LIMA1: variants seen among roughly 807,000 people sequenced by gnomAD.
The protein encoded by LIMA1 is LIM domain and actin-binding protein 1.
Under a neutral mutation model 62.6 loss-of-function variants are expected in LIMA1, and 52 were observed. The ratio of observed to expected loss-of-function variants is 0.83; its 90% CI spans 0.67 to 1.05. The LOEUF (loss-of-function observed/expected upper bound fraction) is 1.05. Ranked by LOEUF, LIMA1 falls within the 50% of genes least tolerant of loss-of-function variation. The pLI is 0.00. For missense variants in LIMA1, 780 were observed against 902.2 expected (o/e 0.86, Z 1.74); for synonymous variants, 302 against 317.8 (o/e 0.95, Z 0.53).
chr12:50,195,254 TAGTC>T (rs1043485621), intron 8 of LIMA1, among the ~76,000 whole-genome samples: 1 of 151,780 alleles, frequency 6.6e-6, no homozygotes, highest in Non-Finnish European at 1.5e-5. Context: ...AAAGTGGACA[TAGTC>T]AAGTAAAAAA....
At chr12:50,182,718 T>A (rs1250241756) in intron 9 of LIMA1, among the ~76,000 whole-genome samples, 3 of 152,166 alleles carry the variant, frequency 2.0e-5, no homozygotes, top group Non-Finnish European at 4.4e-5. Flanking sequence ...AGAGAAAAAC[T>A]AATGCAATGG....
At chr12:50,205,573 C>T (rs1941136091) in intron 5 of LIMA1, among the ~76,000 whole-genome samples, 1 of 151,932 alleles carries the variant, frequency 6.6e-6, no homozygotes, top group African/African-American at 2.4e-5. Context: ...TACAGGGTAA[C>T]CAAACCTGAT....
chr12:50,272,345 T>C (rs1942221626), intron 1 of LIMA1, among the ~76,000 whole-genome samples: 1 of 151,862 alleles, frequency 6.6e-6, no homozygotes, highest in African/African-American at 2.4e-5. Flanking sequence ...ATCCCAGCAC[T>C]TTGGGAGACC....
intron 7 of LIMA1, 175 bp from the exon 8 acceptor site, chr12:50,196,062 T>A: frequency 5.2e-6 from 3 of 574,838 alleles, no homozygotes; most frequent in Non-Finnish European, 8.8e-6. Flanking sequence ...GGCAGCAAAA[T>A]GTCTTTTATG....
rs555924573 is a variant in LIMA1, at chr12:50,275,470, C to A, written c.-24+7950G>T. Reference sequence around the variant, plus strand: ...CATACCTAAAAGGCTTGTAATCTTACAAGGAAGCAATAATTTATAAATAGT... The same window carrying A: ...CATACCTAAAAGGCTTGTAATCTTAAAAGGAAGCAATAATTTATAAATAGT... On this transcript the variant is annotated intron_variant, in intron 1 of 10. Transcript: ENST00000341247. 3.5e-4 allele frequency among the ~76,000 whole-genome samples: 53 copies of A among 151,890 alleles called. 1 individual carries two copies. Among genetic ancestry groups the A allele is most frequent in the Non-Finnish European group, 6.5e-4 (44 of 67,996 alleles).
intron 7 of LIMA1, among the ~76,000 whole-genome samples, chr12:50,198,565 A>T (rs1377045843): frequency 3.3e-5 from 5 of 152,128 alleles, no homozygotes; most frequent in African/African-American, 2.4e-5. Flanking sequence ...AAAAAAATTT[A>T]AAAAATACAA....
At chr12:50,251,785 TG>T (rs1374190627) in intron 1 of LIMA1, among the ~76,000 whole-genome samples, 4 of 152,196 alleles carry the variant, frequency 2.6e-5, no homozygotes, top group African/African-American at 9.6e-5. Context: ...ACATCTATTT[TG>T]GTATACAGCT....
chr12:50,236,517 C>T (rs1941696445), intron 2 of LIMA1, among the ~76,000 whole-genome samples: 2 of 151,838 alleles, frequency 1.3e-5, no homozygotes, highest in Non-Finnish European at 2.9e-5. Flanking sequence ...CCAGACTGGT[C>T]TCCAACTCCT....
At chr12:50,206,121 C>A in intron 4 of LIMA1, 53 bp from the exon 5 acceptor site, 2 of 1,431,398 alleles carry the variant, frequency 1.4e-6, no homozygotes, top group South Asian at 1.2e-5. Context: ...GAAATCTTGA[C>A]GCAAGGTTCA....
intron 4 of LIMA1, among the ~76,000 whole-genome samples, chr12:50,214,523 A>G (rs749393591): frequency 3.3e-5 from 5 of 152,326 alleles, no homozygotes; most frequent in Non-Finnish European, 2.9e-5. Flanking sequence ...AAACCATGCA[A>G]TTTGGCTGGG....
intron 4 of LIMA1, among the ~76,000 whole-genome samples, chr12:50,208,765 T>G (rs1370599114): frequency 6.6e-6 from 1 of 151,996 alleles, no homozygotes; most frequent in Non-Finnish European, 1.5e-5. Flanking sequence ...CCCAACACTT[T>G]GGGAGGCTGA....
At chr12:50,211,933 A>G (rs539159082) in intron 4 of LIMA1, among the ~76,000 whole-genome samples, 69 of 151,174 alleles carry the variant, frequency 4.6e-4, no homozygotes, top group African/African-American at 1.6e-3. Flanking sequence ...TAGACAAGAT[A>G]CTTTTAAGAC....
rs1565832525 is a variant in LIMA1 at position 50,192,543 on chromosome 12, C to T, written c.1049G>A (p.Ser350Asn). The T allele has an allele frequency of 1.9e-6, 3 of 1,613,374 alleles. No homozygotes were observed. Among genetic ancestry groups the T allele is most frequent in the South Asian group, 1.1e-5 (1 of 91,074 alleles). ...EDDSRDSQVK[S>N]EVQQPVHPKP... ...GGGATGGACAGGCTGTTGAACCTCA[C>T]TCTTAACCTGGGAGTCACCTGCTTG... is the stretch of plus-strand genomic sequence containing the variant. Residue 350 changes from serine (S) to asparagine (N), a missense_variant, in exon 9 of 11, where the codon AGT (serine) becomes AAT (asparagine). By Grantham distance (46) the Ser-to-Asn change is conservative (BLOSUM62 1). Transcript: ENST00000341247.
chr12:50,268,311 C>T (rs1220081177), intron 1 of LIMA1, among the ~76,000 whole-genome samples: 7 of 152,118 alleles, frequency 4.6e-5, no homozygotes, highest in African/African-American at 1.7e-4. Flanking sequence ...TGCTACCCTC[C>T]ACCACCCAGT....
At chr12:50,234,224 T>A (rs1179894570) in intron 2 of LIMA1, 1 of 422,912 alleles carries the variant, frequency 2.4e-6, no homozygotes, top group African/African-American at 2.1e-5. Context: ...TTTTTTTTTT[T>A]TTGAGACAGA....
intron 9 of LIMA1, among the ~76,000 whole-genome samples, chr12:50,183,379 C>G (rs1940549681): frequency 6.6e-6 from 1 of 152,044 alleles, no homozygotes; most frequent in African/African-American, 2.4e-5. Context: ...TTAGGAGGTG[C>G]TTTTGCTGCC....
In LIMA1 at chr12:50,238,495, A is replaced by G. The variant is rs185637695; in HGVS notation, c.120-6785T>C. ...GCACTCCAGCCCTGGCGACAAAGCAAGACTCTGTCTCAAAAAAAACAAAAC... is the reference window on the plus strand; with the variant it reads ...GCACTCCAGCCCTGGCGACAAAGCAGGACTCTGTCTCAAAAAAAACAAAAC... On this transcript the variant is annotated intron_variant, in intron 2 of 10. Coordinates refer to ENST00000341247, the MANE Select transcript of LIMA1 (RefSeq NM_016357.5). 2.1e-3 allele frequency among the ~76,000 whole-genome samples: 313 copies of G among 152,088 alleles called. 2 individuals carry two copies. The highest frequency in any genetic ancestry group is 2.2e-3 in the Non-Finnish European group (151 of 67,984).
At chr12:50,189,567 C>T (rs368019746) in intron 9 of LIMA1, 2 of 152,184 alleles carry the variant, frequency 1.3e-5, no homozygotes, top group East Asian at 3.8e-4. Flanking sequence ...GAAGTAGCCC[C>T]TCATTAGCAA....
intron 7 of LIMA1, among the ~76,000 whole-genome samples, chr12:50,197,072 G>GC (rs1258730225): frequency 7.6e-6 from 1 of 131,454 alleles, no homozygotes; most frequent in Non-Finnish European, 1.6e-5. Flanking sequence ...GGTAATCTTT[G>GC]CTTTTTTTTT....
Sources: gnomAD v4.1 joint callset for allele counts (sites outside exome capture counted in the v4.1 genomes callset) on GRCh38, gnomAD v4.1.1 for gene constraint, MANE v1.5 for transcripts, NCBI Gene and HGNC (gene_info 2026-07-23, HGNC 2026-07-21) for gene names.